Variants in PRKN observed in about 807,000 individuals in gnomAD.
PRKN encodes the protein E3 ubiquitin-protein ligase parkin.
Under a neutral mutation model 59.5 loss-of-function variants are expected in PRKN, and 56 were observed. The observed-to-expected ratio is 0.94, with a 90% CI of 0.76 to 1.18. The LOEUF is 1.18. Among genes scored for constraint, PRKN ranks in the 50% most tolerant of loss-of-function variants. PRKN has a pLI of 0.00. For missense variants in PRKN, 657 were observed against 596.4 expected (o/e 1.10, Z -1.06); for synonymous variants, 250 against 222.1 (o/e 1.13, Z -1.12).
At chr6:161,962,899 A>G (rs902335544) in intron 6 of PRKN, among the ~76,000 whole-genome samples, 7 of 151,406 alleles carry the variant, frequency 4.6e-5, no homozygotes, top group African/African-American at 1.7e-4. Context: ...AATCCCAGCA[A>G]TTTGGGAGGC....
At chr6:161,680,776 T>TATATATATATTTTG (rs1491495272) in intron 7 of PRKN, among the ~76,000 whole-genome samples, 8 of 18,942 alleles carry the variant, frequency 4.2e-4, no homozygotes, top group South Asian at 2.7e-3. Context: ...TATATATATA[T>TATATATATATTTTG]TTTTTTTTTT....
chr6:161,402,632 T>G lies in PRKN; in HGVS notation c.1084-15755A>C, dbSNP rs909759051. ...ACAGGAGAAAGAGCATATTCAATTC[T>G]GTACACATGAGAGTCCCACAGAATA... On this transcript the variant is annotated intron_variant, in intron 9 of 11. Transcript: ENST00000366898. The surrounding 1 kb of genome is among the most constrained non-coding windows in gnomAD (Gnocchi z 4.5). 2.0e-5 allele frequency among the ~76,000 whole-genome samples: 3 copies of G among 152,038 alleles called. No individual in the cohort carries two copies. Among genetic ancestry groups the G allele is most frequent in the Non-Finnish European group, 4.4e-5 (3 of 68,024 alleles).
intron 6 of PRKN, among the ~76,000 whole-genome samples, chr6:161,918,139 G>T (rs1193920891): frequency 1.3e-5 from 2 of 152,160 alleles, no homozygotes; most frequent in Admixed American, 1.3e-4. Context: ...TGCTGTGCGG[G>T]ATTTCTAACA....
At chr6:162,518,869 T>C (rs541342302) in intron 1 of PRKN, among the ~76,000 whole-genome samples, 67 of 152,322 alleles carry the variant, frequency 4.4e-4, no homozygotes, top group African/African-American at 1.5e-3. Flanking sequence ...ATACTACACA[T>C]GGAGTAGTTT....
chr6:162,719,326 A>G (rs927428256), intron 1 of PRKN, among the ~76,000 whole-genome samples: 28 of 152,262 alleles, frequency 1.8e-4, no homozygotes, highest in Admixed American at 7.8e-4. Context: ...ACATGACCTC[A>G]CTTGTGCTTA....
At chr6:162,566,842 G>T (rs1307114746) in intron 1 of PRKN, among the ~76,000 whole-genome samples, 1 of 152,088 alleles carries the variant, frequency 6.6e-6, no homozygotes, top group Non-Finnish European at 1.5e-5. Flanking sequence ...GAAAACTACA[G>T]GCCAATATTT....
At chr6:161,612,797 A>C (rs1463141718) in intron 7 of PRKN, among the ~76,000 whole-genome samples, 1 of 151,764 alleles carries the variant, frequency 6.6e-6, no homozygotes, top group African/African-American at 2.4e-5. Context: ...AGACAGGATG[A>C]GAGCACATTT....
chr6:162,259,888 G>A (rs56330409), intron 3 of PRKN, among the ~76,000 whole-genome samples: 18,483 of 152,166 alleles, frequency 0.12, 1,220 homozygotes, highest in South Asian at 0.26. Flanking sequence ...GTACAAAATA[G>A]CAAGTAATAA....
intron 7 of PRKN, among the ~76,000 whole-genome samples, chr6:161,667,226 A>C (rs1784757966): frequency 1.3e-5 from 2 of 152,128 alleles, no homozygotes. Flanking sequence ...ACACCACTAC[A>C]GGATAAACTC....
intron 5 of PRKN, among the ~76,000 whole-genome samples, chr6:162,029,261 T>C (rs1201192235): frequency 6.6e-6 from 1 of 152,154 alleles, no homozygotes; most frequent in Non-Finnish European, 1.5e-5. Flanking sequence ...AAGAAAACTT[T>C]CCAGGTAATT....
At chr6:162,159,999 T>C (rs1373954928) in intron 4 of PRKN, among the ~76,000 whole-genome samples, 1 of 152,158 alleles carries the variant, frequency 6.6e-6, no homozygotes, top group African/African-American at 2.4e-5. Context: ...AAATATTTCT[T>C]GAATGTAACA....
chr6:161,781,464 T>C (rs1490512384), intron 7 of PRKN, among the ~76,000 whole-genome samples: 1 of 152,190 alleles, frequency 6.6e-6, no homozygotes. Flanking sequence ...GGCATTGGCA[T>C]ACTGAATTTA....
intron 9 of PRKN, among the ~76,000 whole-genome samples, chr6:161,528,951 G>C (rs770362063): frequency 1.3e-5 from 2 of 152,124 alleles, no homozygotes; most frequent in Non-Finnish European, 2.9e-5. Context: ...AGTAAAGTTT[G>C]CCTGACTCAT....
intron 6 of PRKN, among the ~76,000 whole-genome samples, chr6:161,906,126 C>T (rs912825763): frequency 1.3e-5 from 2 of 152,146 alleles, no homozygotes; most frequent in Non-Finnish European, 2.9e-5. Flanking sequence ...GGCCAGTATG[C>T]TCAGCCTGGG....
chr6:162,671,883 G>C (rs1181223350), intron 1 of PRKN, among the ~76,000 whole-genome samples: 2 of 152,094 alleles, frequency 1.3e-5, no homozygotes, highest in Non-Finnish European at 2.9e-5. Flanking sequence ...GGAGGAGAGA[G>C]GGGAGGTAGG....
intron 5 of PRKN, among the ~76,000 whole-genome samples, chr6:162,020,041 A>T (rs13204105): frequency 6.6e-6 from 1 of 151,824 alleles, no homozygotes; most frequent in East Asian, 1.9e-4. Context: ...AAAAAATATC[A>T]CAAAGTGGTT....
chr6:161,375,143 C>T (rs1785640738), intron 10 of PRKN, among the ~76,000 whole-genome samples: 1 of 152,084 alleles, frequency 6.6e-6, no homozygotes, highest in East Asian at 1.9e-4. Flanking sequence ...CAGGCCATGC[C>T]CCTCAAGGCA....
At chr6:161,370,873 G>C (rs1785416567) in intron 10 of PRKN, among the ~76,000 whole-genome samples, 1 of 152,186 alleles carries the variant, frequency 6.6e-6, no homozygotes, top group African/African-American at 2.4e-5. Context: ...TTAAATGTCA[G>C]CTTTCTCATC....
At chr6:161,886,421 G>A (rs1285565636) in intron 6 of PRKN, among the ~76,000 whole-genome samples, 2 of 152,156 alleles carry the variant, frequency 1.3e-5, no homozygotes, top group Non-Finnish European at 2.9e-5. Flanking sequence ...AATAGGCTGG[G>A]TGCAGTGGCT....
Sources: allele counts gnomAD v4.1 joint callset (sites outside exome capture counted in the v4.1 genomes callset), GRCh38; gene constraint gnomAD v4.1.1; non-coding constraint Gnocchi (gnomAD v3.1); transcripts MANE v1.5; gene names NCBI Gene and HGNC (gene_info 2026-07-23, HGNC 2026-07-21).